Variants in MYOM2 observed in about 807,000 individuals in gnomAD.
The protein encoded by MYOM2 is myomesin-2.
Under a neutral mutation model 187.6 loss-of-function variants are expected in MYOM2, and 254 were observed. That is an observed-to-expected ratio of 1.35 (90% confidence interval 1.22 to 1.50). The LOEUF is 1.50. Ranked by LOEUF, MYOM2 falls within the 40% of genes most tolerant of loss-of-function variation. The pLI is 0.00. For missense variants in MYOM2, 2,796 were observed against 1,924.0 expected (o/e 1.45, Z -8.48); for synonymous variants, 981 against 753.8 (o/e 1.30, Z -4.94).
rs74523519 is a variant in MYOM2, at chr8:2,089,884, C to T, written c.1645-124C>T. 2,719 of 754,012 alleles carry T rather than the reference C, an allele frequency of 3.6e-3. 43 individuals carry two copies. The East Asian group carries it at 0.053, about 15-fold the overall frequency. The allele number at this position is 754,012 out of a possible 1,614,324, so 46.7% of individuals were successfully genotyped here. A position where few individuals can be genotyped will look rare whatever the true frequency, so the allele number is the denominator to read the frequency against. On this transcript the variant is annotated intron_variant, in intron 14 of 36. Transcript: ENST00000262113. ...AAGATGCATGACCATCCTTTGTGTG[C>T]GAGACGCAGCGGGCGCGCCTGGTGG...
intron 17 of MYOM2, among the ~76,000 whole-genome samples, chr8:2,094,876 C>A (rs536203962): frequency 1.3e-5 from 2 of 152,094 alleles, no homozygotes; most frequent in South Asian, 4.1e-4. Flanking sequence ...TCTCAGGGAC[C>A]GTCCCTAGAA....
At chr8:2,122,753 G>A (rs1198027442) in intron 28 of MYOM2, among the ~76,000 whole-genome samples, 1 of 152,174 alleles carries the variant, frequency 6.6e-6, no homozygotes. Context: ...ATTGAATTGT[G>A]AGGAATTTCA....
rs542234367 is a variant in MYOM2 at position 2,079,595 on chromosome 8, T to C, written c.1498T>C (p.Tyr500His). Residue 500 changes from tyrosine to histidine, a missense_variant, in exon 13 of 37, where the codon TAT becomes CAT. Physicochemically the swap from Tyr to His is moderately conservative, Grantham distance 83. Coordinates refer to ENST00000262113, the MANE Select transcript of MYOM2 (RefSeq NM_003970.4). ...GGAGGGAGAGAAGGAGATTGCCATT[T>C]ATCAGGATGACCTTGAAGGTAAGTA... ...HLEGEKEIAI[Y>H]QDDLEGDAQV... 9.3e-6 allele frequency: 15 copies of C among 1,614,172 alleles called. No homozygotes were observed. The highest frequency in any genetic ancestry group is 6.6e-5 in the South Asian group (6 of 91,080).
chr8:2,048,490 T>C (rs1818379191), intron 1 of MYOM2, among the ~76,000 whole-genome samples: 1 of 152,246 alleles, frequency 6.6e-6, no homozygotes, highest in Admixed American at 6.5e-5. Flanking sequence ...CAGATACCTT[T>C]TCCTGTCTGC....
At chr8:2,072,255 A>G in intron 8 of MYOM2, 90 bp from the exon 9 acceptor site, 1 of 668,956 alleles carries the variant, frequency 1.5e-6, no homozygotes, top group East Asian at 5.0e-5. Flanking sequence ...CCAAAAAAGA[A>G]AGATGCTCTC....
At chr8:2,113,300 A>G (rs1033912625) in intron 25 of MYOM2, among the ~76,000 whole-genome samples, 2 of 152,212 alleles carry the variant, frequency 1.3e-5, no homozygotes, top group Admixed American at 6.5e-5. Context: ...ACCCTGCTCA[A>G]TGTCAGACAC....
intron 1 of MYOM2, among the ~76,000 whole-genome samples, chr8:2,045,497 G>A (rs1202781800): frequency 1.3e-5 from 2 of 152,210 alleles, no homozygotes; most frequent in African/African-American, 4.8e-5. Context: ...GTGGACTGAT[G>A]TCTGCAAGTT....
intron 14 of MYOM2, among the ~76,000 whole-genome samples, chr8:2,087,828 C>T (rs1188454238): frequency 6.6e-6 from 1 of 152,094 alleles, no homozygotes; most frequent in Non-Finnish European, 1.5e-5. Flanking sequence ...GCCATGTTGC[C>T]CAGGCTGGTC....
chr8:2,046,764 T>TG (rs1284970546), intron 1 of MYOM2, among the ~76,000 whole-genome samples: 52 of 150,926 alleles, frequency 3.4e-4, no homozygotes, highest in African/African-American at 1.2e-3. Flanking sequence ...TTTTTTTTTT[T>TG]TGGTTGGTGT....
At position 2,073,389 on chromosome 8, in the gene MYOM2, C is replaced by G; in HGVS notation, c.1009C>G (p.Gln337Glu). Residue 337 changes from glutamine (Q) to glutamate (E), a missense_variant, in exon 10 of 37, where the codon CAG becomes GAG. Physicochemically the swap from Gln to Glu is conservative, Grantham distance 29. Transcript: ENST00000262113. ...GACGAAGATGTTCTTTGGAGAAGGC[C>G]AGGCCTCCCTGTCCTTCAGCCACCT... ...KWTKMFFGEG[Q>E]ASLSFSHLHK... 6.2e-7 allele frequency: 1 copy of G among 1,613,378 alleles called. No homozygotes were observed. Among genetic ancestry groups the G allele is most frequent in the South Asian group, 1.1e-5 (1 of 90,918 alleles).
chr8:2,086,723 C>G lies in MYOM2; in HGVS notation c.1644+1333C>G, dbSNP rs147946082. On this transcript the variant is annotated intron_variant, in intron 14 of 36. Transcript: ENST00000262113. ...GCAGGGAGTCGCTTCCCTCTCTGGG[C>G]GCCCGCGTTCTTCACTGCCGTGTGG... is the stretch of plus-strand genomic sequence containing the variant. 2.1e-3 allele frequency among the ~76,000 whole-genome samples: 323 copies of G among 152,338 alleles called. 1 individual carries two copies. Among genetic ancestry groups the G allele is most frequent in the African/African-American group, 7.5e-3 (312 of 41,580 alleles).
chr8:2,074,841 C>T lies in MYOM2; in HGVS notation c.1121-1300C>T, dbSNP rs368974599. ...CCTCAGCAGCCTCTGGGTTTAGGGG[C>T]AGCCTCCTTGCTGAGGCACAGCTGA... On this transcript the variant is annotated intron_variant, in intron 10 of 36. Transcript: ENST00000262113. Among the ~76,000 whole-genome samples, 8 of 152,332 alleles carry T rather than the reference C, an allele frequency of 5.3e-5. No individual in the cohort carries two copies. In the South Asian group the frequency reaches 1.4e-3, roughly 28 times the overall value.
intron 13 of MYOM2, among the ~76,000 whole-genome samples, chr8:2,082,858 C>T (rs888110670): frequency 1.3e-5 from 2 of 152,106 alleles, no homozygotes; most frequent in Admixed American, 6.5e-5. Context: ...AAAATAAACT[C>T]GGTGTTTCAT....
rs563508330 is a variant in MYOM2 at position 2,069,371 on chromosome 8, G to C, written c.742+5G>C. ...ACGCGGCGGTGGTGGTGAGAAGTGA[G>C]TGCCGGGTGGGCTTTCACGGGGCAC... On this transcript the variant is annotated splice_donor_5th_base_variant and intron_variant, in intron 7 of 36. Coordinates refer to ENST00000262113, the MANE Select transcript of MYOM2 (RefSeq NM_003970.4). The C allele has an allele frequency of 4.3e-6, 7 of 1,613,970 alleles. No individual in the cohort carries two copies. In the African/African-American group the frequency reaches 6.7e-5, roughly 15 times the overall value.
chr8:2,133,610 G>A (rs769901566), intron 32 of MYOM2, among the ~76,000 whole-genome samples: 5 of 152,208 alleles, frequency 3.3e-5, no homozygotes, highest in South Asian at 2.1e-4. Flanking sequence ...ACAGGCATGC[G>A]CCACCATGCC....
chr8:2,050,780 C>G lies in MYOM2; in HGVS notation c.14C>G (p.Thr5Ser). The G allele has an allele frequency of 6.2e-7, 1 of 1,612,288 alleles. No individual in the cohort carries two copies. ...GAGCACGCCAAGATGTCCCTTGTGACTGTCCCCTTCTACCAGAAGAGACAT... is the reference window on the plus strand; with the variant it reads ...GAGCACGCCAAGATGTCCCTTGTGAGTGTCCCCTTCTACCAGAAGAGACAT... MSLV[T>S]VPFYQKRHRH... The change falls in exon 2 of 37, where the codon ACT (threonine) becomes AGT (serine). Residue 5 changes from threonine to serine, a missense_variant. Coordinates refer to ENST00000262113, the MANE Select transcript of MYOM2 (RefSeq NM_003970.4).
intron 1 of MYOM2, among the ~76,000 whole-genome samples, chr8:2,047,822 A>G (rs1585808727): frequency 6.6e-6 from 1 of 152,332 alleles, no homozygotes; most frequent in East Asian, 1.9e-4. Context: ...GCTAAGCACT[A>G]CAAAGTGTAG....
At position 2,059,215 on chromosome 8, in the gene MYOM2, A is replaced by C; in HGVS notation, c.623A>C (p.Asn208Thr). ...CCGGGAAAGTACAGGATTGAGAGCA[A>C]CTATGGCGTACACACACTGGAGATC... ...AEPGKYRIES[N>T]YGVHTLEINR... The change falls in exon 6 of 37, where the codon AAC (asparagine) becomes ACC (threonine). Residue 208 changes from asparagine to threonine, a missense_variant. Coordinates refer to ENST00000262113, the MANE Select transcript of MYOM2 (RefSeq NM_003970.4). 1 of 1,614,228 alleles carries C rather than the reference A, an allele frequency of 6.2e-7. No homozygotes were observed.
intron 32 of MYOM2, among the ~76,000 whole-genome samples, chr8:2,129,470 C>G (rs1303979399): frequency 1.3e-5 from 2 of 152,188 alleles, no homozygotes; most frequent in Non-Finnish European, 2.9e-5. Flanking sequence ...ACAAATTTCT[C>G]TAGTGTCTCA....
Sources: allele counts gnomAD v4.1 joint callset (sites outside exome capture counted in the v4.1 genomes callset), GRCh38; gene constraint gnomAD v4.1.1; transcripts MANE v1.5; gene names NCBI Gene and HGNC (gene_info 2026-07-23, HGNC 2026-07-21).